SAMMSON: variants seen among roughly 807,000 people sequenced by gnomAD.
The protein encoded by SAMMSON is long intergenic non-protein coding RNA 1212.
intron 7 of SAMMSON, among the ~76,000 whole-genome samples, chr3:70,323,942 A>T (rs913282713): frequency 6.6e-6 from 1 of 152,212 alleles, no homozygotes; most frequent in East Asian, 1.9e-4. Context: ...ACACAGCTCC[A>T]GTCCAAACTC....
intron 3 of SAMMSON, among the ~76,000 whole-genome samples, chr3:70,045,115 A>C (rs1161001438): frequency 1.1e-5 from 1 of 87,374 alleles, no homozygotes; most frequent in East Asian, 2.0e-4. Context: ...TATAATTTAT[A>C]TATATTAATT....
chr3:70,136,308 G>A (rs2067505593), intron 4 of SAMMSON, among the ~76,000 whole-genome samples: 1 of 152,212 alleles, frequency 6.6e-6, no homozygotes, highest in Non-Finnish European at 1.5e-5. Context: ...AGGCATTATA[G>A]CTTTCTTCTA....
At chr3:70,321,035 G>A (rs907344166) in intron 7 of SAMMSON, among the ~76,000 whole-genome samples, 2 of 151,940 alleles carry the variant, frequency 1.3e-5, no homozygotes, top group African/African-American at 4.8e-5. Flanking sequence ...CCCAGTAAAG[G>A]CTTAGCAATT....
intron 7 of SAMMSON, chr3:70,312,734 G>A (rs1389935660): frequency 7.3e-6 from 1 of 136,906 alleles, no homozygotes; most frequent in African/African-American, 2.7e-5. Context: ...GCGGCCGAGA[G>A]TTTTTTTTGT....
chr3:70,127,840 C>T (rs1327465996), intron 4 of SAMMSON: 1 of 152,148 alleles, frequency 6.6e-6, no homozygotes, highest in African/African-American at 2.4e-5. Context: ...TGAAGTTTCA[C>T]CATGTTGGCC....
At chr3:70,291,308 C>A (rs1259976156) in intron 7 of SAMMSON, 5 of 151,990 alleles carry the variant, frequency 3.3e-5, no homozygotes, top group Non-Finnish European at 5.9e-5. Context: ...TAGCAGCCAA[C>A]TCATTTTTTT....
chr3:70,041,824 T>C (rs1362602226), intron 3 of SAMMSON, among the ~76,000 whole-genome samples: 3 of 152,070 alleles, frequency 2.0e-5, no homozygotes, highest in South Asian at 2.1e-4. Flanking sequence ...CAATCCCCCA[T>C]AGATACAGAG....
chr3:70,204,632 T>G (rs546017243), intron 4 of SAMMSON: 1 of 152,006 alleles, frequency 6.6e-6, no homozygotes, highest in African/African-American at 2.4e-5. Context: ...GCTCTTTGAA[T>G]GAAGAGTAGT....
At chr3:70,336,509 G>T (rs1428900766) in intron 7 of SAMMSON, among the ~76,000 whole-genome samples, 1 of 151,950 alleles carries the variant, frequency 6.6e-6, no homozygotes, top group Non-Finnish European at 1.5e-5. Context: ...AATCTTGGAG[G>T]TTTGTGGGAG....
intron 4 of SAMMSON, among the ~76,000 whole-genome samples, chr3:70,137,326 G>A (rs2067510108): frequency 6.6e-6 from 1 of 152,158 alleles, no homozygotes; most frequent in Admixed American, 6.5e-5. Flanking sequence ...AGCAAACTAT[G>A]ACTTATGGGC....
intron 9 of SAMMSON, among the ~76,000 whole-genome samples, chr3:70,377,276 G>T (rs918053358): frequency 6.6e-5 from 10 of 152,108 alleles, no homozygotes; most frequent in African/African-American, 2.4e-4. Flanking sequence ...TTAGCCTGAT[G>T]CTGGAAATAA....
chr3:70,028,143 TTTCCTTCCTTCC>T (rs540467067), intron 3 of SAMMSON, among the ~76,000 whole-genome samples: 4,346 of 130,730 alleles, frequency 0.033, 103 homozygotes, highest in South Asian at 0.056. Flanking sequence ...TCCTTCCTTC[TTTCCTTCCTTCC>T]TTCCTTCCTT....
chr3:70,292,487 A>G (rs963545940), intron 7 of SAMMSON, among the ~76,000 whole-genome samples: 7 of 152,160 alleles, frequency 4.6e-5, no homozygotes, highest in Non-Finnish European at 8.8e-5. Flanking sequence ...AATCGTAAAG[A>G]TGAAGCTTGA....
chr3:70,097,450 G>A (rs1157152230), intron 4 of SAMMSON, among the ~76,000 whole-genome samples: 1 of 152,254 alleles, frequency 6.6e-6, no homozygotes, highest in East Asian at 1.9e-4. Context: ...AACTTCTTTT[G>A]CTATTTTTAT....
chr3:70,425,947 A>C (rs191568538), intron 2 of SAMMSON, among the ~76,000 whole-genome samples: 11 of 152,318 alleles, frequency 7.2e-5, no homozygotes, highest in Admixed American at 4.6e-4. Flanking sequence ...AAGGCTCTTA[A>C]AACTCAGTGA....
chr3:70,095,015 G>A (rs1422620462), intron 4 of SAMMSON, among the ~76,000 whole-genome samples: 1 of 152,164 alleles, frequency 6.6e-6, no homozygotes, highest in Non-Finnish European at 1.5e-5. Flanking sequence ...ATTTGCAATT[G>A]CTTAAGGAGG....
At chr3:70,360,330 G>GT (rs1702862484) in intron 9 of SAMMSON, among the ~76,000 whole-genome samples, 1 of 152,098 alleles carries the variant, frequency 6.6e-6, no homozygotes, top group Non-Finnish European at 1.5e-5. Flanking sequence ...TACAACTTAA[G>GT]TATACAATAA....
intron 7 of SAMMSON, among the ~76,000 whole-genome samples, chr3:70,346,500 C>A (rs558669500): frequency 6.6e-6 from 1 of 152,068 alleles, no homozygotes; most frequent in Non-Finnish European, 1.5e-5. Flanking sequence ...ATATAAATAT[C>A]CAACTGTTTC....
intron 4 of SAMMSON, among the ~76,000 whole-genome samples, chr3:70,181,003 C>T (rs1209929029): frequency 6.6e-6 from 1 of 152,104 alleles, no homozygotes; most frequent in African/African-American, 2.4e-5. Flanking sequence ...CTAGCCAAGG[C>T]CTTGCACGGG....
Sources: gnomAD v4.1 joint callset for allele counts (sites outside exome capture counted in the v4.1 genomes callset) on GRCh38, gnomAD v4.1.1 for gene constraint, MANE v1.5 for transcripts, NCBI Gene and HGNC (gene_info 2026-07-23, HGNC 2026-07-21) for gene names.